The following TSPAN33 variants were observed in gnomAD, a reference collection of about 807,000 sequenced individuals.
TSPAN33 encodes the protein tetraspanin-33.
Under a neutral mutation model 34.8 loss-of-function variants are expected in TSPAN33, and 27 were observed. The observed-to-expected ratio is 0.78, with a 90% CI of 0.57 to 1.07. The LOEUF is 1.07. Among genes scored for constraint, TSPAN33 ranks in the 50% least tolerant of loss-of-function variants. The pLI is 0.00. For synonymous variants in TSPAN33, 119 were observed against 124.2 expected (o/e 0.96, Z 0.28); for missense variants, 272 against 324.9 (o/e 0.84, Z 1.25).
At chr7:129,147,777 A>G (rs1243049871) in intron 1 of TSPAN33, among the ~76,000 whole-genome samples, 1 of 152,174 alleles carries the variant, frequency 6.6e-6, no homozygotes, top group Non-Finnish European at 1.5e-5. Flanking sequence ...TGGGCTCTGA[A>G]TAGTGGTGCT....
At chr7:129,166,498 T>C (rs1025662231) in intron 5 of TSPAN33, 2 of 272,574 alleles carry the variant, frequency 7.3e-6, no homozygotes, top group Non-Finnish European at 6.8e-6. Flanking sequence ...AAGAAGATTA[T>C]AGCTGAGTAT....
chr7:129,155,489 T>C (rs1160820750), intron 1 of TSPAN33, among the ~76,000 whole-genome samples: 1 of 152,208 alleles, frequency 6.6e-6, no homozygotes, highest in Non-Finnish European at 1.5e-5. Context: ...CAAAATATCA[T>C]ATGTATCCCA....
chr7:129,155,638 A>G (rs1288344464), intron 1 of TSPAN33, among the ~76,000 whole-genome samples: 3 of 137,132 alleles, frequency 2.2e-5, no homozygotes, highest in Non-Finnish European at 4.6e-5. Flanking sequence ...TATTATCATT[A>G]TGGTCTACAC....
chr7:129,159,560 G>A (rs1793018907), intron 1 of TSPAN33, among the ~76,000 whole-genome samples: 2 of 152,214 alleles, frequency 1.3e-5, no homozygotes, highest in Non-Finnish European at 2.9e-5. Context: ...GAAATCAAGA[G>A]CAGATACACA....
intron 1 of TSPAN33, among the ~76,000 whole-genome samples, chr7:129,156,684 A>C (rs1810669026): frequency 6.6e-6 from 1 of 152,122 alleles, no homozygotes. Context: ...TGGGATGCTC[A>C]CATTGATGAG....
At chr7:129,154,168 C>A (rs1810637445) in intron 1 of TSPAN33, among the ~76,000 whole-genome samples, 1 of 150,870 alleles carries the variant, frequency 6.6e-6, no homozygotes, top group Non-Finnish European at 1.5e-5. Context: ...CACATCTATA[C>A]CAAAAATTTA....
Position 129,148,883 on chromosome 7 carries a change from C to G in TSPAN33, c.102+3801C>G, listed in dbSNP as rs1483621791. On this transcript the variant is annotated intron_variant, in intron 1 of 7. Transcript: ENST00000486685. This position sits in a 1 kb window ranked among gnomAD's most constrained non-coding sequence, Gnocchi z 4.2. The stretch of plus-strand genomic sequence containing the variant: ...CCTTGGGCACTCAGAATCACCCAGG[C>G]CACTCTCAGCACCATTTCTTTTCGT... Among the ~76,000 whole-genome samples, 1 of 152,174 alleles carries G rather than the reference C, an allele frequency of 6.6e-6. No homozygotes were observed. The highest frequency in any genetic ancestry group is 1.5e-5 in the Non-Finnish European group (1 of 68,038).
rs79627681 is a variant in TSPAN33, at chr7:129,162,659, C to T, written c.288+138C>T. ...CCACCCCTCAGTGCAGAGCTTAGCC[C>T]GGGTGACCCAGCACAGGGTGGCCAC... On this transcript the variant is annotated intron_variant, in intron 3 of 7. Coordinates refer to ENST00000486685, the MANE Select transcript of TSPAN33 (RefSeq NM_178562.5). 614 of 1,485,136 alleles carry T rather than the reference C, an allele frequency of 4.1e-4. 2 individuals are homozygous for T. The African/African-American group carries it at 7.4e-3, about 18-fold the overall frequency. 92.0% of individuals were successfully genotyped at this position (1,485,136 alleles called of 1,614,324 possible). A position where few individuals can be genotyped will look rare whatever the true frequency, so the allele number is the denominator to read the frequency against.
intron 1 of TSPAN33, among the ~76,000 whole-genome samples, chr7:129,153,900 C>CTGTA (rs1810634110): frequency 6.6e-6 from 1 of 151,778 alleles, no homozygotes; most frequent in Admixed American, 6.6e-5. Context: ...CTTGATTGTG[C>CTGTA]CACTGTACTC....
chr7:129,147,245 A>C (rs933388794), intron 1 of TSPAN33, among the ~76,000 whole-genome samples: 8 of 152,186 alleles, frequency 5.3e-5, no homozygotes, highest in Non-Finnish European at 1.2e-4. Flanking sequence ...ACCCTAAGCC[A>C]ATGTATCTGT....
intron 4 of TSPAN33, 80 bp from the exon 5 acceptor site, chr7:129,164,394 C>T: frequency 8.2e-7 from 1 of 1,225,430 alleles, no homozygotes; most frequent in Non-Finnish European, 1.2e-6. Flanking sequence ...AGGATGATCC[C>T]TGTCTACTGT....
At chr7:129,159,261 A>G (rs1309068721) in intron 1 of TSPAN33, among the ~76,000 whole-genome samples, 1 of 152,122 alleles carries the variant, frequency 6.6e-6, no homozygotes, top group Non-Finnish European at 1.5e-5. Context: ...GGGTTTCACC[A>G]TGTTGGCCAG....
Position 129,167,013 on chromosome 7 carries a change from C to T in TSPAN33, c.588+107C>T, listed in dbSNP as rs1401744529. 1 of 1,332,498 alleles carries T rather than the reference C, an allele frequency of 7.5e-7. No individual in the cohort carries two copies. The highest frequency in any genetic ancestry group is 2.1e-5 in the Admixed American group (1 of 46,750). 82.5% of individuals were successfully genotyped at this position (1,332,498 alleles called of 1,614,324 possible). A position where few individuals can be genotyped will look rare whatever the true frequency, so the allele number is the denominator to read the frequency against. On this transcript the variant is annotated intron_variant, in intron 6 of 7. Coordinates refer to ENST00000486685, the MANE Select transcript of TSPAN33 (RefSeq NM_178562.5). This position sits in a 1 kb window ranked among gnomAD's most constrained non-coding sequence, Gnocchi z 4.6. ...CCATCCCCTAGCTTCACCGATCAGTCATGTGGGACAGCTGTCAGGTGTTTT... is the reference window on the plus strand; with the variant it reads ...CCATCCCCTAGCTTCACCGATCAGTTATGTGGGACAGCTGTCAGGTGTTTT...
In TSPAN33 at chr7:129,162,864, T is replaced by C; in HGVS notation, c.320T>C (p.Leu107Pro). The C allele has an allele frequency of 6.2e-7, 1 of 1,613,996 alleles. No homozygotes were observed. Among genetic ancestry groups the C allele is most frequent in the Non-Finnish European group, 8.5e-7 (1 of 1,179,952 alleles). The change falls in exon 4 of 8, where the codon CTG becomes CCG. Residue 107 changes from leucine to proline, a missense_variant. Coordinates refer to ENST00000486685, the MANE Select transcript of TSPAN33 (RefSeq NM_178562.5). The stretch of plus-strand genomic sequence containing the variant: ...CTCTGCCTCACCGCTGTGTTCCTGC[T>C]GCAGCTGGCCGCTGGGATCCTGGGC... ...FSLCLTAVFL[L>P]QLAAGILGFV...
intron 1 of TSPAN33, 123 bp from the exon 2 acceptor site, chr7:129,161,556 A>G: frequency 1.2e-6 from 1 of 862,216 alleles, no homozygotes. Context: ...TGGGGAGGTG[A>G]AAGATGCTCA....
At position 129,169,256 on chromosome 7, in the gene TSPAN33, GCTCGGCGCGGTGCGCTGGGC is replaced by G. The variant is rs1277526109; in HGVS notation, c.*1386_*1405del. On this transcript the variant is annotated 3_prime_UTR_variant, in exon 8 of 8. Coordinates refer to ENST00000486685, the MANE Select transcript of TSPAN33 (RefSeq NM_178562.5). ...CGGCTGTAGGGAGGACTCCGAGGAA[GCTCGGCGCGGTGCGCTGGGC>G]CTCCTGGCGCCGGGAGGAGCGCGCG... Among the ~76,000 whole-genome samples the G allele has an allele frequency of 2.0e-5, 3 of 152,170 alleles. No individual in the cohort carries two copies. Among genetic ancestry groups the G allele is most frequent in the African/African-American group, 7.2e-5 (3 of 41,450 alleles).
rs1216012727 is a variant in TSPAN33 at position 129,169,000 on chromosome 7, C to A, written c.*1126C>A. On this transcript the variant is annotated 3_prime_UTR_variant, in exon 8 of 8. Coordinates refer to ENST00000486685, the MANE Select transcript of TSPAN33 (RefSeq NM_178562.5). ...ATGCATTGCCACCCTCCCACAGCCT[C>A]GCCCTCTGCTCTAAATTAGGTCGAA... Among the ~76,000 whole-genome samples the A allele has an allele frequency of 6.6e-6, 1 of 152,188 alleles. No homozygotes were observed. The highest frequency in any genetic ancestry group is 1.9e-4 in the East Asian group (1 of 5,194).
At chr7:129,160,116 G>A (rs942384871) in intron 1 of TSPAN33, among the ~76,000 whole-genome samples, 1 of 152,208 alleles carries the variant, frequency 6.6e-6, no homozygotes, top group African/African-American at 2.4e-5. Flanking sequence ...TTAGATAAAG[G>A]TTTGCCATTT....
intron 1 of TSPAN33, among the ~76,000 whole-genome samples, chr7:129,145,319 A>G (rs1810505416): frequency 1.3e-5 from 2 of 151,798 alleles, no homozygotes; most frequent in Non-Finnish European, 2.9e-5. Context: ...GGGGCGTCGG[A>G]GGAGGGTCTG....
Sources: allele counts gnomAD v4.1 joint callset (sites outside exome capture counted in the v4.1 genomes callset), GRCh38; gene constraint gnomAD v4.1.1; non-coding constraint Gnocchi (gnomAD v3.1); transcripts MANE v1.5; gene names NCBI Gene and HGNC (gene_info 2026-07-23, HGNC 2026-07-21).